ZFPM2: variants seen among roughly 807,000 people sequenced by gnomAD.
ZFPM2 encodes zinc finger protein ZFPM2.
ZFPM2 carries 20 observed loss-of-function variants against 98.6 expected under a neutral mutation model. The observed-to-expected ratio is 0.20, with a 90% CI of 0.14 to 0.29. The LOEUF is 0.29. ZFPM2 is among the 10% of genes least tolerant of loss of function. The pLI is 1.00. For missense variants in ZFPM2, 1,310 were observed against 1,388.6 expected (o/e 0.94, Z 0.90); for synonymous variants, 518 against 502.7 (o/e 1.03, Z -0.41).
intron 5 of ZFPM2, among the ~76,000 whole-genome samples, chr8:105,671,164 A>G (rs73301249): frequency 0.082 from 12,474 of 152,036 alleles, 1,641 homozygotes; most frequent in African/African-American, 0.28. Flanking sequence ...CTTGATACAT[A>G]TATTTTGCCA....
At chr8:105,679,760 G>A (rs1006046231) in intron 5 of ZFPM2, among the ~76,000 whole-genome samples, 23 of 148,050 alleles carry the variant, frequency 1.6e-4, no homozygotes, top group African/African-American at 5.5e-4. Flanking sequence ...GCATGCCAGT[G>A]CACTCCAGCC....
At chr8:105,607,196 G>A (rs1816213892) in intron 4 of ZFPM2, among the ~76,000 whole-genome samples, 1 of 152,062 alleles carries the variant, frequency 6.6e-6, no homozygotes, top group Admixed American at 6.6e-5. Context: ...CCTTAATAAT[G>A]TAGTTTTACA....
At chr8:105,459,869 G>A (rs1011726224) in intron 3 of ZFPM2, among the ~76,000 whole-genome samples, 3 of 152,166 alleles carry the variant, frequency 2.0e-5, no homozygotes, top group Admixed American at 2.0e-4. Context: ...CCATAGTGGA[G>A]TGGATACGGT....
At chr8:105,569,834 T>G (rs1405115308) in intron 4 of ZFPM2, among the ~76,000 whole-genome samples, 1 of 152,132 alleles carries the variant, frequency 6.6e-6, no homozygotes, top group Non-Finnish European at 1.5e-5. Flanking sequence ...CATCTGTCTC[T>G]GCTTGGAAAC....
At chr8:105,510,558 C>G (rs1364457394) in intron 3 of ZFPM2, among the ~76,000 whole-genome samples, 1 of 152,098 alleles carries the variant, frequency 6.6e-6, no homozygotes, top group Non-Finnish European at 1.5e-5. Context: ...TATTTTATCT[C>G]TCTGCTTCTG....
At chr8:105,700,975 A>G (rs1811128735) in intron 5 of ZFPM2, among the ~76,000 whole-genome samples, 1 of 152,128 alleles carries the variant, frequency 6.6e-6, no homozygotes, top group African/African-American at 2.4e-5. Context: ...ATTGTCTTGC[A>G]TTGTTGAGTA....
intron 5 of ZFPM2, among the ~76,000 whole-genome samples, chr8:105,652,767 A>T (rs1817206345): frequency 6.6e-6 from 1 of 152,204 alleles, no homozygotes; most frequent in Non-Finnish European, 1.5e-5. Flanking sequence ...TTAAGATTCC[A>T]TAATTCATTT....
At chr8:105,487,541 A>G (rs946243447) in intron 3 of ZFPM2, among the ~76,000 whole-genome samples, 4 of 152,166 alleles carry the variant, frequency 2.6e-5, no homozygotes, top group African/African-American at 9.7e-5. Context: ...GTAAAGGACT[A>G]CTTATGGAGT....
chr8:105,600,429 T>G (rs1345221447), intron 4 of ZFPM2, among the ~76,000 whole-genome samples: 1 of 152,126 alleles, frequency 6.6e-6, no homozygotes, highest in Non-Finnish European at 1.5e-5. Context: ...CATTGAAACA[T>G]TGAAGTCCTA....
chr8:105,328,508 T>G (rs542675746), intron 1 of ZFPM2, among the ~76,000 whole-genome samples: 1 of 151,990 alleles, frequency 6.6e-6, no homozygotes, highest in South Asian at 2.1e-4. Flanking sequence ...ATCTGTGTTG[T>G]AATTGTCTTC....
intron 5 of ZFPM2, among the ~76,000 whole-genome samples, chr8:105,721,504 C>A (rs1025857): frequency 0.29 from 43,449 of 151,716 alleles, 6,763 homozygotes; most frequent in African/African-American, 0.38. Context: ...ATATTAATAT[C>A]AAATCACTTT....
At chr8:105,448,423 A>T (rs1586380494) in intron 3 of ZFPM2, among the ~76,000 whole-genome samples, 4 of 151,966 alleles carry the variant, frequency 2.6e-5, no homozygotes, top group African/African-American at 9.7e-5. Context: ...TTATATGTCT[A>T]ATTATTCAAT....
intron 2 of ZFPM2, among the ~76,000 whole-genome samples, chr8:105,420,428 C>T (rs531846074): frequency 1.2e-4 from 18 of 152,200 alleles, no homozygotes; most frequent in African/African-American, 4.1e-4. Context: ...GCTCCCATCC[C>T]TGTGGTCAGT....
rs140226193 is a variant in ZFPM2, at chr8:105,580,164, G to A, written c.420+18683G>A. On this transcript the variant is annotated intron_variant, in intron 4 of 7. Transcript: ENST00000407775. ...CTCTTCTTTGGTCGAATTGAAAGAA[G>A]GACTGGCACCAAACATAAAGATATG... is the stretch of plus-strand genomic sequence containing the variant. Among the ~76,000 whole-genome samples, 1,467 of 152,234 alleles carry A rather than the reference G, an allele frequency of 9.6e-3. 27 individuals carry two copies. The highest frequency in any genetic ancestry group is 0.034 in the African/African-American group (1,409 of 41,552).
intron 3 of ZFPM2, among the ~76,000 whole-genome samples, chr8:105,547,765 T>C (rs1468337890): frequency 7.2e-5 from 11 of 152,124 alleles, no homozygotes; most frequent in Non-Finnish European, 1.6e-4. Context: ...AATTTCTATC[T>C]TCTGATACAA....
At chr8:105,439,393 A>G (rs964858316) in intron 2 of ZFPM2, among the ~76,000 whole-genome samples, 2 of 152,180 alleles carry the variant, frequency 1.3e-5, no homozygotes, top group African/African-American at 4.8e-5. Flanking sequence ...ATGCCAGACT[A>G]GCAATTAGGA....
intron 5 of ZFPM2, among the ~76,000 whole-genome samples, chr8:105,741,838 G>A (rs1006353974): frequency 1.3e-5 from 2 of 152,048 alleles, no homozygotes; most frequent in African/African-American, 4.8e-5. Context: ...TAGGCACGAA[G>A]TTGGAATGAA....
chr8:105,600,911 T>G (rs931142543), intron 4 of ZFPM2, among the ~76,000 whole-genome samples: 1 of 152,094 alleles, frequency 6.6e-6, no homozygotes, highest in Non-Finnish European at 1.5e-5. Context: ...CCTTTACATA[T>G]TCACTATGAA....
intron 5 of ZFPM2, chr8:105,787,690 G>T (rs1813459543): frequency 6.6e-6 from 1 of 151,942 alleles, no homozygotes; most frequent in Admixed American, 6.6e-5. Flanking sequence ...ACAAGTTTTG[G>T]CTGCTTAATG....
Sources: gnomAD v4.1 joint callset for allele counts (sites outside exome capture counted in the v4.1 genomes callset) on GRCh38, gnomAD v4.1.1 for gene constraint, MANE v1.5 for transcripts, NCBI Gene and HGNC (gene_info 2026-07-23, HGNC 2026-07-21) for gene names.